The following PRKD1 variants were observed in gnomAD, a reference collection of about 807,000 sequenced individuals.
The protein encoded by PRKD1 is protein kinase D1.
PRKD1 carries 63 observed loss-of-function variants against 95.9 expected under a neutral mutation model. The ratio of observed to expected loss-of-function variants is 0.66; its 90% CI spans 0.54 to 0.81. The LOEUF is 0.81. PRKD1 is among the 30% of genes least tolerant of loss of function. The pLI, the probability that PRKD1 is intolerant of heterozygous loss-of-function variation, is 0.00. For synonymous variants in PRKD1, 425 were observed against 423.1 expected (o/e 1.00, Z -0.05); for missense variants, 1,048 against 1,165.3 (o/e 0.90, Z 1.47).
chr14:29,836,203 T>C (rs568257817), intron 1 of PRKD1, among the ~76,000 whole-genome samples: 1 of 152,064 alleles, frequency 6.6e-6, no homozygotes, highest in Admixed American at 6.5e-5. Flanking sequence ...ACAAACACGT[T>C]TGGAAAGCAA....
chr14:29,849,434 C>T (rs1892212035), intron 1 of PRKD1, among the ~76,000 whole-genome samples: 1 of 152,098 alleles, frequency 6.6e-6, no homozygotes, highest in African/African-American at 2.4e-5. Flanking sequence ...TAATACACCT[C>T]TATGCACACA....
intron 1 of PRKD1, among the ~76,000 whole-genome samples, chr14:29,840,463 C>T (rs1290127964): frequency 2.0e-5 from 3 of 152,202 alleles, no homozygotes; most frequent in Non-Finnish European, 4.4e-5. Context: ...TTCTTCTGAG[C>T]CCTCCAAACT....
At chr14:29,827,159 T>C (rs1891230919) in intron 1 of PRKD1, among the ~76,000 whole-genome samples, 1 of 151,608 alleles carries the variant, frequency 6.6e-6, no homozygotes, top group Non-Finnish European at 1.5e-5. Flanking sequence ...CACCAAAATT[T>C]CATAGTTCAT....
At chr14:29,650,969 T>C (rs1215397001) in intron 4 of PRKD1, among the ~76,000 whole-genome samples, 4 of 152,232 alleles carry the variant, frequency 2.6e-5, no homozygotes, top group Admixed American at 2.0e-4. Context: ...CTAAACTTTT[T>C]ATTATTTTTT....
chr14:29,802,359 G>C (rs1309079978), intron 1 of PRKD1, among the ~76,000 whole-genome samples: 1 of 152,180 alleles, frequency 6.6e-6, no homozygotes, highest in Non-Finnish European at 1.5e-5. Context: ...AATAATTCTT[G>C]TGTAAGTTCA....
intron 2 of PRKD1, among the ~76,000 whole-genome samples, chr14:29,688,401 C>A (rs545044002): frequency 2.0e-5 from 3 of 152,094 alleles, no homozygotes; most frequent in African/African-American, 4.8e-5. Flanking sequence ...CACCATTCAG[C>A]CCACTGCACA....
At chr14:29,718,787 C>T (rs1171932977) in intron 2 of PRKD1, among the ~76,000 whole-genome samples, 2 of 152,004 alleles carry the variant, frequency 1.3e-5, no homozygotes, top group African/African-American at 4.8e-5. Context: ...CTTAGTTGCC[C>T]AAGTAGTAGT....
Position 29,631,400 on chromosome 14 carries a change from T to G in PRKD1, c.1393-379A>C, listed in dbSNP as rs114252345. Among the ~76,000 whole-genome samples the G allele has an allele frequency of 5.2e-3, 795 of 152,286 alleles. 4 individuals carry two copies. The highest frequency in any genetic ancestry group is 0.018 in the African/African-American group (751 of 41,568). On this transcript the variant is annotated intron_variant, in intron 9 of 17. Transcript: ENST00000331968. ...TTAGGCAGACATGGCTATTTTTAAATTTTAACCTATTCTTTAAGGCACTCA... is the reference window on the plus strand; with the variant it reads ...TTAGGCAGACATGGCTATTTTTAAAGTTTAACCTATTCTTTAAGGCACTCA...
At chr14:29,620,128 A>G (rs1257113554) in intron 13 of PRKD1, among the ~76,000 whole-genome samples, 1 of 151,430 alleles carries the variant, frequency 6.6e-6, no homozygotes. Flanking sequence ...CATATGTAGA[A>G]AGCTGAAACT....
At chr14:29,595,079 A>T (rs1893253718) in intron 16 of PRKD1, among the ~76,000 whole-genome samples, 1 of 151,944 alleles carries the variant, frequency 6.6e-6, no homozygotes, top group African/African-American at 2.4e-5. Flanking sequence ...ATAAGGAGGT[A>T]CTGAGTCATT....
intron 2 of PRKD1, among the ~76,000 whole-genome samples, chr14:29,700,339 C>T (rs1689384864): frequency 6.6e-6 from 1 of 152,160 alleles, no homozygotes; most frequent in Non-Finnish European, 1.5e-5. Context: ...TGAATAAGAG[C>T]TGAATGAATT....
intron 1 of PRKD1, among the ~76,000 whole-genome samples, chr14:29,837,187 T>G (rs773395759): frequency 4.6e-5 from 7 of 152,138 alleles, no homozygotes; most frequent in Non-Finnish European, 1.0e-4. Context: ...TAAGTACCCT[T>G]CTTTCTCATA....
rs756304662 is a variant in PRKD1 at position 29,764,098 on chromosome 14, T to C, written c.265-38424A>G. On this transcript the variant is annotated intron_variant, in intron 1 of 17. Coordinates refer to ENST00000331968, the MANE Select transcript of PRKD1 (RefSeq NM_002742.3). Reference sequence around the variant, plus strand: ...GCAGAAGAGAATCACCTGGGGAGAATTTTAAAAGCATACGGGTCTTATCCT... The same window carrying C: ...GCAGAAGAGAATCACCTGGGGAGAACTTTAAAAGCATACGGGTCTTATCCT... 6.6e-5 allele frequency among the ~76,000 whole-genome samples: 10 copies of C among 152,020 alleles called. No individual in the cohort carries two copies. The South Asian group carries it at 8.3e-4, about 13-fold the overall frequency.
chr14:29,791,064 G>C (rs189398046), intron 1 of PRKD1, among the ~76,000 whole-genome samples: 2 of 152,014 alleles, frequency 1.3e-5, no homozygotes, highest in Admixed American at 6.6e-5. Context: ...AGACAGTAGG[G>C]GAAACTTCAA....
chr14:29,864,501 AAGTGGC>A (rs1892816804), intron 1 of PRKD1, among the ~76,000 whole-genome samples: 1 of 152,120 alleles, frequency 6.6e-6, no homozygotes, highest in Non-Finnish European at 1.5e-5. Flanking sequence ...AGAATCTCAA[AAGTGGC>A]AGTATGATGA....
At chr14:29,686,171 T>G (rs1246073362) in intron 2 of PRKD1, among the ~76,000 whole-genome samples, 1 of 152,212 alleles carries the variant, frequency 6.6e-6, no homozygotes, top group Non-Finnish European at 1.5e-5. Flanking sequence ...TTTGCCTTCC[T>G]CTTTTTAATT....
chr14:29,618,298 G>C (rs1321268379), intron 13 of PRKD1, among the ~76,000 whole-genome samples: 1 of 148,444 alleles, frequency 6.7e-6, no homozygotes, highest in Non-Finnish European at 1.5e-5. Context: ...TGTCATCCAG[G>C]CTGGAGTGCA....
At chr14:29,799,406 T>G (rs1038747781) in intron 1 of PRKD1, among the ~76,000 whole-genome samples, 2 of 152,226 alleles carry the variant, frequency 1.3e-5, no homozygotes, top group Non-Finnish European at 2.9e-5. Flanking sequence ...ATCATTCCAG[T>G]GGTTCAAAAC....
intron 16 of PRKD1, among the ~76,000 whole-genome samples, chr14:29,592,037 T>C (rs1168818053): frequency 6.6e-6 from 1 of 152,152 alleles, no homozygotes; most frequent in Non-Finnish European, 1.5e-5. Context: ...TTAAAGCGAA[T>C]ATTTAAAAAT....
Sources: gnomAD v4.1 joint callset for allele counts (sites outside exome capture counted in the v4.1 genomes callset) on GRCh38, gnomAD v4.1.1 for gene constraint, MANE v1.5 for transcripts, NCBI Gene and HGNC (gene_info 2026-07-23, HGNC 2026-07-21) for gene names.